Variants in PHLDB2 observed in about 807,000 individuals in gnomAD.
PHLDB2 encodes pleckstrin homology like domain family B member 2.
In PHLDB2, 71 loss-of-function variants were observed where a neutral mutation model predicts 123.6. The ratio of observed to expected loss-of-function variants is 0.57; its 90% CI spans 0.47 to 0.70. The LOEUF (loss-of-function observed/expected upper bound fraction) is 0.70. Among genes scored for constraint, PHLDB2 ranks in the 30% least tolerant of loss-of-function variants. The pLI is 0.00. For synonymous variants in PHLDB2, 547 were observed against 541.6 expected, an observed-to-expected ratio of 1.01 and a Z score of -0.14; for missense variants, 1,446 against 1,519.5, an observed-to-expected ratio of 0.95 and a Z score of 0.80.
intron 1 of PHLDB2, among the ~76,000 whole-genome samples, chr3:111,788,877 A>G (rs2060798097): frequency 6.6e-6 from 1 of 152,220 alleles, no homozygotes; most frequent in Non-Finnish European, 1.5e-5. Context: ...TTAAAGAGTA[A>G]AAGAATAACT....
At chr3:111,748,525 T>TTTTTTC (rs1280822896) in intron 1 of PHLDB2, among the ~76,000 whole-genome samples, 1 of 152,104 alleles carries the variant, frequency 6.6e-6, no homozygotes, top group African/African-American at 2.4e-5. Flanking sequence ...TTGTCACCTC[T>TTTTTTC]TTTTTCTTTT....
At chr3:111,934,014 G>A (rs1054520744) in intron 6 of PHLDB2, among the ~76,000 whole-genome samples, 8 of 152,166 alleles carry the variant, frequency 5.3e-5, no homozygotes, top group Non-Finnish European at 1.0e-4. Flanking sequence ...TCTAGATTCT[G>A]TAGGATAACT....
intron 1 of PHLDB2, among the ~76,000 whole-genome samples, chr3:111,843,834 A>C (rs1418459286): frequency 6.6e-6 from 1 of 152,200 alleles, no homozygotes; most frequent in Admixed American, 6.5e-5. Context: ...AAAGTTTTTA[A>C]AGCTTCTTTT....
intron 1 of PHLDB2, among the ~76,000 whole-genome samples, chr3:111,748,626 A>G (rs1018021671): frequency 3.3e-5 from 5 of 151,796 alleles, no homozygotes; most frequent in African/African-American, 1.2e-4. Flanking sequence ...GGTTCGAGCG[A>G]TTCTCTTGCC....
intron 1 of PHLDB2, among the ~76,000 whole-genome samples, chr3:111,820,776 G>T (rs767904182): frequency 6.6e-6 from 1 of 152,226 alleles, no homozygotes; most frequent in Non-Finnish European, 1.5e-5. Context: ...GGCCAGAGGG[G>T]CATGGCCGGA....
chr3:111,780,312 AGAG>A (rs1257055735), intron 1 of PHLDB2, among the ~76,000 whole-genome samples: 346 of 5,706 alleles, frequency 0.061, 62 homozygotes, highest in East Asian at 0.17. Context: ...AGGAAGAGGA[AGAG>A]GAAGAGGAAG....
At position 111,822,295 on chromosome 3, in the gene PHLDB2, ATG is replaced by A. The variant is rs35687126; in HGVS notation, c.-48-23504_-48-23503del. On this transcript the variant is annotated intron_variant, in intron 1 of 17. Transcript: ENST00000393923. ...TCTCTCTGTCTCTCTATCTTTATGT[ATG>A]TGTGTGTGTGTGTGTGTGTGTATAT... Among the ~76,000 whole-genome samples, 504 of 144,090 alleles carry A rather than the reference ATG, an allele frequency of 3.5e-3. 11 individuals are homozygous for A. The highest frequency in any genetic ancestry group is 2.0e-3 in the Non-Finnish European group (133 of 66,474). 94.5% of individuals were successfully genotyped at this position (144,090 alleles called of 152,430 possible). A position where few individuals can be genotyped will look rare whatever the true frequency, so the allele number is the denominator to read the frequency against.
intron 2 of PHLDB2, among the ~76,000 whole-genome samples, chr3:111,894,738 T>C (rs1273810332): frequency 6.6e-6 from 1 of 152,044 alleles, no homozygotes; most frequent in Non-Finnish European, 1.5e-5. Context: ...TCATATCCTT[T>C]GCCCACTTTT....
chr3:111,859,209 GT>G, upstream of PHLDB2: 1 of 985,376 alleles, frequency 1.0e-6, no homozygotes, highest in South Asian at 4.7e-5. Flanking sequence ...ACCCTAGGAC[GT>G]AAACCCTCCC....
At chr3:111,888,262 G>A (rs1032226844) in intron 2 of PHLDB2, among the ~76,000 whole-genome samples, 5 of 151,992 alleles carry the variant, frequency 3.3e-5, no homozygotes, top group Non-Finnish European at 7.4e-5. Context: ...ATTATTTCTA[G>A]CCTCTTTCTT....
intron 1 of PHLDB2, among the ~76,000 whole-genome samples, chr3:111,753,106 C>T (rs576913838): frequency 4.3e-4 from 66 of 152,050 alleles, no homozygotes; most frequent in African/African-American, 1.5e-3. Context: ...CCGCAATAAA[C>T]GTATGTGTGC....
intron 1 of PHLDB2, among the ~76,000 whole-genome samples, chr3:111,860,146 T>C (rs1157930820): frequency 6.6e-6 from 1 of 152,038 alleles, no homozygotes; most frequent in African/African-American, 2.4e-5. Flanking sequence ...CCAGCAACTC[T>C]GGAATGCACA....
chr3:111,851,461 G>A (rs1282976), intron 2 of PHLDB2, among the ~76,000 whole-genome samples: 149,205 of 152,194 alleles, frequency 0.98, 73,191 homozygotes, highest in East Asian at 1. Context: ...TCTGAAAAAG[G>A]AAAAGGGCAG....
intron 1 of PHLDB2, among the ~76,000 whole-genome samples, chr3:111,822,199 G>C (rs1050876990): frequency 2.0e-5 from 3 of 151,270 alleles, no homozygotes; most frequent in Admixed American, 1.3e-4. Flanking sequence ...GTATATTTAG[G>C]TATTAGTTTC....
chr3:111,864,978 CA>C (rs1435940053), intron 1 of PHLDB2, among the ~76,000 whole-genome samples: 1 of 152,072 alleles, frequency 6.6e-6, no homozygotes, highest in East Asian at 1.9e-4. Context: ...TATGAAATAG[CA>C]AAAAAGTTAA....
intron 11 of PHLDB2, among the ~76,000 whole-genome samples, chr3:111,953,266 C>T (rs986326375): frequency 2.0e-5 from 3 of 152,140 alleles, no homozygotes; most frequent in African/African-American, 7.2e-5. Flanking sequence ...CTGATGCCCG[C>T]CCAAGCTCTC....
intron 17 of PHLDB2, among the ~76,000 whole-genome samples, chr3:111,974,116 T>TCC (rs1266468335): frequency 6.6e-6 from 1 of 152,190 alleles, no homozygotes; most frequent in Non-Finnish European, 1.5e-5. Flanking sequence ...CGTGAGCAAG[T>TCC]CCTAGTAGGG....
intron 17 of PHLDB2, 101 bp from the exon 18 acceptor site, chr3:111,974,322 A>T: frequency 8.7e-7 from 1 of 1,145,486 alleles, no homozygotes; most frequent in African/African-American, 1.6e-5. Context: ...TTGTAAATTT[A>T]ATAAATTGAA....
At chr3:111,879,116 C>T (rs1358427556) in intron 1 of PHLDB2, among the ~76,000 whole-genome samples, 1 of 152,108 alleles carries the variant, frequency 6.6e-6, no homozygotes, top group Non-Finnish European at 1.5e-5. Flanking sequence ...GGAATAGTTT[C>T]AGAAGGAATG....
Sources: gnomAD v4.1 joint callset for allele counts (sites outside exome capture counted in the v4.1 genomes callset) on GRCh38, gnomAD v4.1.1 for gene constraint, MANE v1.5 for transcripts, NCBI Gene and HGNC (gene_info 2026-07-23, HGNC 2026-07-21) for gene names.